The following PTBP3 variants were observed in gnomAD, a reference collection of about 807,000 sequenced individuals.
PTBP3 encodes the protein polypyrimidine tract binding protein 3.
A neutral mutation model predicts 58.7 loss-of-function variants in PTBP3; 20 were observed. The observed-to-expected ratio is 0.34, with a 90% CI of 0.24 to 0.50. The LOEUF is 0.50. PTBP3 is among the 20% of genes least tolerant of loss of function. The probability of loss-of-function intolerance (pLI) is 0.98; values close to 1 mark genes in which losing one functional copy is unlikely to be tolerated. For missense variants in PTBP3, 509 were observed against 637.2 expected (o/e 0.80, Z 2.17); for synonymous variants, 185 against 219.8 (o/e 0.84, Z 1.40).
chr9:112,267,991 G>A (rs1827173350), intron 4 of PTBP3, 58 bp downstream of exon 4: 2 of 1,489,722 alleles, frequency 1.3e-6, no homozygotes, highest in South Asian at 2.6e-5. Context: ...TGTAAAGTAT[G>A]TAAGTTATCA....
chr9:112,265,992 A>G (rs1836784793), intron 4 of PTBP3, among the ~76,000 whole-genome samples: 1 of 152,208 alleles, frequency 6.6e-6, no homozygotes, highest in South Asian at 2.1e-4. Flanking sequence ...CTTTCTGAGC[A>G]TGGTACTGAA....
intron 1 of PTBP3, among the ~76,000 whole-genome samples, chr9:112,300,241 T>C (rs1828859098): frequency 3.9e-5 from 6 of 152,226 alleles, no homozygotes; most frequent in Admixed American, 3.3e-4. Flanking sequence ...TTACATAGTC[T>C]ACTCCGATGC....
At chr9:112,233,927 G>A (rs1025205244) in intron 8 of PTBP3, among the ~76,000 whole-genome samples, 11 of 100,120 alleles carry the variant, frequency 1.1e-4, no homozygotes, top group African/African-American at 5.8e-4. Flanking sequence ...TGAGCTATCT[G>A]TCTCACAACA....
intron 1 of PTBP3, among the ~76,000 whole-genome samples, chr9:112,304,584 T>C (rs1829085046): frequency 6.6e-6 from 1 of 152,230 alleles, no homozygotes; most frequent in African/African-American, 2.4e-5. Flanking sequence ...TTTATTTTTG[T>C]GAGACAGAGT....
chr9:112,288,583 A>G (rs1828243488), intron 2 of PTBP3, among the ~76,000 whole-genome samples: 1 of 152,176 alleles, frequency 6.6e-6, no homozygotes, highest in Admixed American at 6.5e-5. Context: ...CCCTTCTGAG[A>G]GCACAATCCT....
chr9:112,292,384 T>TA (rs1459025432), intron 2 of PTBP3, among the ~76,000 whole-genome samples: 1 of 152,056 alleles, frequency 6.6e-6, no homozygotes. Context: ...CTCAAAATAA[T>TA]AAAAAACAGA....
chr9:112,261,258 G>A (rs1314433209), intron 5 of PTBP3, among the ~76,000 whole-genome samples: 1 of 152,190 alleles, frequency 6.6e-6, no homozygotes, highest in Non-Finnish European at 1.5e-5. Flanking sequence ...AAATGCATAT[G>A]TTTTAAAAAT....
At chr9:112,338,506 TG>T, upstream of PTBP3, among the ~76,000 whole-genome samples, 1 of 152,224 alleles carries the variant, frequency 6.6e-6, no homozygotes, top group East Asian at 1.9e-4. Context: ...AAAGAAACCT[TG>T]GCTGAGTGTT....
chr9:112,313,143 T>A (rs892225452), intron 1 of PTBP3, among the ~76,000 whole-genome samples: 1 of 152,176 alleles, frequency 6.6e-6, no homozygotes, highest in African/African-American at 2.4e-5. Context: ...AAGAAAGTCT[T>A]ACCCATAGTA....
chr9:112,240,092 G>A (rs1034565991), intron 7 of PTBP3, among the ~76,000 whole-genome samples: 1 of 151,954 alleles, frequency 6.6e-6, no homozygotes, highest in African/African-American at 2.4e-5. Context: ...GGATGAAGTA[G>A]GGGAGCACAA....
intron 7 of PTBP3, among the ~76,000 whole-genome samples, 172 bp from the exon 8 acceptor site, chr9:112,235,069 A>G (rs1308309612): frequency 6.6e-6 from 1 of 152,200 alleles, no homozygotes; most frequent in Non-Finnish European, 1.5e-5. Context: ...TGCCACTTCC[A>G]AAGGCTAACC....
At chr9:112,362,733 T>C in the PTBP3 span, 1 of 207,570 alleles carries the variant, frequency 4.8e-6, no homozygotes, top group Non-Finnish European at 1.0e-5. Flanking sequence ...ATCAGACCCC[T>C]CATGAAGCCC....
chr9:112,363,014 A>T, the PTBP3 span: 1 of 211,968 alleles, frequency 4.7e-6, no homozygotes, highest in East Asian at 1.3e-4. Context: ...ATAGCTCACA[A>T]TGTGTCCTCT....
In PTBP3 at chr9:112,232,120, G is replaced by A. The variant is rs771169412; in HGVS notation, c.999C>T (p.Leu333=). 8.1e-6 allele frequency: 13 copies of A among 1,612,060 alleles called. No individual in the cohort carries two copies. Among genetic ancestry groups the A allele is most frequent in the Non-Finnish European group, 6.8e-6 (8 of 1,179,396 alleles). The change falls in exon 9 of 14, where the codon CTC becomes CTT. Residue 333 remains leucine (L), a synonymous_variant. Transcript: ENST00000374257. The part of the protein sequence containing the change: ...ASGIPGNSVL[L]VTNLNPDLIT... ...TCACATCAGGATTGAGATTTGTGAC[G>A]AGTAGAACAGAATTTCCTGGTATAC...
chr9:112,303,612 T>G (rs1466294879), intron 1 of PTBP3, among the ~76,000 whole-genome samples: 1 of 152,138 alleles, frequency 6.6e-6, no homozygotes, highest in Admixed American at 6.5e-5. Context: ...ACGCCTGTAA[T>G]CCCAGCACTT....
the PTBP3 span, among the ~76,000 whole-genome samples, chr9:112,362,332 G>A: frequency 4.6e-5 from 7 of 152,070 alleles, no homozygotes; most frequent in African/African-American, 1.2e-4. Context: ...TATTCAAATC[G>A]TTGCCCATTT....
Position 112,234,900 on chromosome 9 carries a change from AATGGG to A in PTBP3, c.803-8_803-4del. 1 of 1,609,522 alleles carries A rather than the reference AATGGG, an allele frequency of 6.2e-7. No homozygotes were observed. On this transcript the variant is annotated splice_polypyrimidine_tract_variant and splice_region_variant and intron_variant, in intron 7 of 13. Coordinates refer to ENST00000374257, the MANE Select transcript of PTBP3 (RefSeq NM_001163788.4). Reference sequence around the variant, plus strand: ...TGAAGAAATTATACCCGGTGCACCTAATGGGAAAGAGAAGCTAAAGTAAACACACT... The same window carrying A: ...TGAAGAAATTATACCCGGTGCACCTAAAAGAGAAGCTAAAGTAAACACACT...
At chr9:112,254,608 C>T (rs1218324078) in intron 5 of PTBP3, among the ~76,000 whole-genome samples, 1 of 152,010 alleles carries the variant, frequency 6.6e-6, no homozygotes, top group Non-Finnish European at 1.5e-5. Flanking sequence ...ATCAAATAGC[C>T]AATAAGCCCA....
At chr9:112,248,553 C>A (rs150833084) in intron 7 of PTBP3, among the ~76,000 whole-genome samples, 1 of 152,058 alleles carries the variant, frequency 6.6e-6, no homozygotes, top group Non-Finnish European at 1.5e-5. Context: ...ATATGTCCAA[C>A]CTCATTAGTA....
Sources: allele counts gnomAD v4.1 joint callset (sites outside exome capture counted in the v4.1 genomes callset), GRCh38; gene constraint gnomAD v4.1.1; transcripts MANE v1.5; gene names NCBI Gene and HGNC (gene_info 2026-07-23, HGNC 2026-07-21).